Variants in NCL observed in about 807,000 individuals in gnomAD.
NCL encodes the protein nucleolin multifunctional protein.
NCL carries 4 observed loss-of-function variants against 77.7 expected under a neutral mutation model. The ratio of observed to expected loss-of-function variants is 0.05; its 90% CI spans 0.03 to 0.12. The LOEUF (loss-of-function observed/expected upper bound fraction) is 0.12. NCL is among the 10% of genes least tolerant of loss of function. The pLI, the probability that NCL is intolerant of heterozygous loss-of-function variation, is 1.00. For missense variants in NCL, 763 were observed against 860.9 expected, an observed-to-expected ratio of 0.89 and a Z score of 1.42; for synonymous variants, 344 against 297.8, an observed-to-expected ratio of 1.16 and a Z score of -1.60.
chr2:231,462,688 A>C (rs2046963819), intron 2 of NCL: 1 of 413,640 alleles, frequency 2.4e-6, no homozygotes, highest in South Asian at 1.7e-5. Flanking sequence ...TATAGTGAGC[A>C]AATAAAAGGC....
chr2:231,459,086 C>T lies in NCL; in HGVS notation c.1080G>A (p.Leu360=). The stretch of plus-strand genomic sequence containing the variant: ...AACCAGTGAGTTCCAACGCTTTCTC[C>T]AGGTCTTCAGCAGATTCAAAATCCA... ...GYVDFESAED[L]EKALELTGLK... The change falls in exon 7 of 14, where the codon CTG becomes CTA. Residue 360 remains leucine, a synonymous_variant. Coordinates refer to ENST00000322723, the MANE Select transcript of NCL (RefSeq NM_005381.3). 1.2e-6 allele frequency: 2 copies of T among 1,601,074 alleles called. No homozygotes were observed. The highest frequency in any genetic ancestry group is 2.3e-5 in the South Asian group (2 of 87,900).
Position 231,456,145 on chromosome 2 carries a change from GAAAA to G in NCL, c.1706-13_1706-10del. Reference sequence around the variant, plus strand: ...CAGAGTTTTGGATGGCTCTGGGAAGGAAAAAAAAATGTGACTTTATGTGAAGTCA... The same window carrying G: ...CAGAGTTTTGGATGGCTCTGGGAAGGAAAAATGTGACTTTATGTGAAGTCA... On this transcript the variant is annotated splice_polypyrimidine_tract_variant and intron_variant, in intron 11 of 13. Coordinates refer to ENST00000322723, the MANE Select transcript of NCL (RefSeq NM_005381.3). 6.3e-7 allele frequency: 1 copy of G among 1,585,260 alleles called. No individual in the cohort carries two copies.
Position 231,461,667 on chromosome 2 carries a change from G to A in NCL, c.486C>T (p.Asp162=), listed in dbSNP as rs150307153. The change falls in exon 3 of 14, where the codon GAC becomes GAT. Residue 162 remains aspartate (D), a synonymous_variant. Transcript: ENST00000322723. The part of the protein sequence containing the change: ...DSEEDEEDDE[D]EDEDEDEIEP... Reference sequence around the variant, plus strand: ...CAATTTCATCTTCATCCTCATCCTCGTCCTCGTCATCCTCCTCATCCTCCT... The same window carrying A: ...CAATTTCATCTTCATCCTCATCCTCATCCTCGTCATCCTCCTCATCCTCCT... 299 of 1,610,188 alleles carry A rather than the reference G, an allele frequency of 1.9e-4. No homozygotes were observed. Among genetic ancestry groups the A allele is most frequent in the East Asian group, 5.4e-4 (24 of 44,834 alleles).
Position 231,461,706 on chromosome 2 carries a change from C to A in NCL, c.447G>T (p.Glu149Asp), listed in dbSNP as rs1131171. The change falls in exon 3 of 14, where the codon GAG becomes GAT. Residue 149 changes from glutamate to aspartate, a missense_variant. Transcript: ENST00000322723. ...CCTCATCCTCCTCACTGTCATCATC[C>A]TCCTCTTCATCACTGTCTTCCTTCT... The part of the protein sequence containing the change: ...NAKKEDSDEE[E>D]DDDSEEDEED... 1.2e-6 allele frequency: 2 copies of A among 1,613,788 alleles called. No homozygotes were observed. The highest frequency in any genetic ancestry group is 1.7e-6 in the Non-Finnish European group (2 of 1,179,910).
At chr2:231,458,950 T>C in intron 7 of NCL, 51 bp downstream of exon 7, 1 of 1,468,146 alleles carries the variant, frequency 6.8e-7, no homozygotes, top group African/African-American at 1.4e-5. Flanking sequence ...GCATTTTCCC[T>C]AGCAGTCTAG....
At chr2:231,462,611 G>A in intron 2 of NCL, 1 of 503,120 alleles carries the variant, frequency 2.0e-6, no homozygotes, top group South Asian at 1.4e-5. Flanking sequence ...GGCAATGTGT[G>A]GAAGAGTAAA....
chr2:231,460,415 T>A (rs777645386), intron 5 of NCL, 63 bp downstream of exon 5: 1 of 1,588,968 alleles, frequency 6.3e-7, no homozygotes, highest in Non-Finnish European at 8.6e-7. Flanking sequence ...CAGTATTAAG[T>A]CCCTTTGTTA....
chr2:231,455,458 C>T lies in NCL; in HGVS notation c.1999G>A (p.Gly667Ser), dbSNP rs747337310. 61 of 1,614,178 alleles carry T rather than the reference C, an allele frequency of 3.8e-5. No homozygotes were observed. In the Middle Eastern group the frequency reaches 4.9e-4, roughly 13 times the overall value. Residue 667 changes from glycine to serine, a missense_variant, in exon 13 of 14, where the codon GGT becomes AGT. Physicochemically the swap from Gly to Ser is moderately conservative, Grantham distance 56. Transcript: ENST00000322723. ...GGGRGGFGGRGGGRGGRGGFG... is the reference protein window; with the variant it reads ...GGGRGGFGGRSGGRGGRGGFG... The stretch of plus-strand genomic sequence containing the variant: ...CCTCCTCGGCCTCCTCTACCACCAC[C>T]TCGTCCTCCAAAGCCGCCTCTGCCT...
Position 231,461,521 on chromosome 2 carries a change from T to C in NCL, c.613+19A>G, listed in dbSNP as rs1262164682. ...ACCTTGTAATCAGAAGCCCAGTAAC[T>C]ACCAAGACAACTCCTTACCATCTTC... On this transcript the variant is annotated intron_variant, in intron 3 of 13. Transcript: ENST00000322723. The C allele has an allele frequency of 1.2e-6, 2 of 1,609,254 alleles. No individual in the cohort carries two copies. The highest frequency in any genetic ancestry group is 1.3e-5 in the African/African-American group (1 of 74,862).
chr2:231,460,379 G>C (rs1177276650), intron 5 of NCL, 86 bp from the exon 6 acceptor site: 2 of 1,592,312 alleles, frequency 1.3e-6, no homozygotes, highest in African/African-American at 1.3e-5. Flanking sequence ...CAGCACATCA[G>C]CACACTACAA....
At chr2:231,459,616 T>C (rs2046926528) in intron 6 of NCL, among the ~76,000 whole-genome samples, 1 of 150,972 alleles carries the variant, frequency 6.6e-6, no homozygotes, top group Non-Finnish European at 1.5e-5. Context: ...AACACCAAAT[T>C]ATTAAAACTT....
Position 231,455,179 on chromosome 2 carries a change from G to C in NCL, c.*12C>G, listed in dbSNP as rs1374276021. ...TCTTTCAAATGGAAAAGGGAAAGCA[G>C]AGGGACAGAAGCTATTCAAACTTCG... On this transcript the variant is annotated 3_prime_UTR_variant, in exon 14 of 14. Coordinates refer to ENST00000322723, the MANE Select transcript of NCL (RefSeq NM_005381.3). The C allele has an allele frequency of 6.2e-7, 1 of 1,614,104 alleles. No individual in the cohort carries two copies. Among genetic ancestry groups the C allele is most frequent in the Non-Finnish European group, 8.5e-7 (1 of 1,179,974 alleles).
chr2:231,460,837 G>C lies in NCL; in HGVS notation c.643C>G (p.Pro215Ala). 1 of 1,614,044 alleles carries C rather than the reference G, an allele frequency of 6.2e-7. No homozygotes were observed. Among genetic ancestry groups the C allele is most frequent in the Non-Finnish European group, 8.5e-7 (1 of 1,180,022 alleles). ...TTTGCAGCTTTCTTTCCTTTGGCTGGTGTAGTCTCCATAGCTTCTTCTTCA... is the reference window on the plus strand; with the variant it reads ...TTTGCAGCTTTCTTTCCTTTGGCTGCTGTAGTCTCCATAGCTTCTTCTTCA... ...DSEEEAMETTPAKGKKAAKVV... is the reference protein window; with the variant it reads ...DSEEEAMETTAAKGKKAAKVV... Residue 215 changes from proline (P) to alanine (A), a missense_variant, in exon 4 of 14, where the codon CCA becomes GCA. By Grantham distance (27) the Pro-to-Ala change is conservative. Around this residue, in one of 2 missense-constraint regions of NCL, gnomAD observed 590 missense variants for 570.5 expected, o/e 1.03. Transcript: ENST00000322723.
intron 1 of NCL, chr2:231,463,611 A>C (rs35205536): frequency 0.045 from 17,033 of 380,064 alleles, 491 homozygotes; most frequent in Non-Finnish European, 0.062. Flanking sequence ...CCGTGTTTTA[A>C]TACTACAAAT....
chr2:231,464,307 C>A (rs564932889), intron 1 of NCL, 29 bp downstream of exon 1: 1 of 1,580,130 alleles, frequency 6.3e-7, no homozygotes, highest in African/African-American at 1.4e-5. Flanking sequence ...CAGGCCTACA[C>A]GTCTGCGCTC....
chr2:231,461,890 T>G lies in NCL; in HGVS notation c.263A>C (p.Lys88Thr). The G allele has an allele frequency of 1.9e-6, 3 of 1,614,216 alleles. No homozygotes were observed. The highest frequency in any genetic ancestry group is 2.5e-6 in the Non-Finnish European group (3 of 1,180,034). ...CTTCTTGGCAGGTGTTGCTGCTGCC[T>G]TTTTGCCTGGAGTGACAGCTGCTTT... ...AKKAAVTPGKKAAATPAKKTV... is the reference protein window; with the variant it reads ...AKKAAVTPGKTAAATPAKKTV... The change falls in exon 3 of 14, where the codon AAG becomes ACG. Residue 88 changes from lysine (K) to threonine (T), a missense_variant. Transcript: ENST00000322723.
chr2:231,455,630 A>G lies in NCL; in HGVS notation c.1833-6T>C. ...TGAAGTCTACAAAACCAAACCTAGAACACCAAATGAAATTGCCCATTATAA... is the reference window on the plus strand; with the variant it reads ...TGAAGTCTACAAAACCAAACCTAGAGCACCAAATGAAATTGCCCATTATAA... On this transcript the variant is annotated splice_region_variant and splice_polypyrimidine_tract_variant and intron_variant, in intron 12 of 13. Coordinates refer to ENST00000322723, the MANE Select transcript of NCL (RefSeq NM_005381.3). 1.2e-6 allele frequency: 2 copies of G among 1,613,804 alleles called. No homozygotes were observed. Among genetic ancestry groups the G allele is most frequent in the African/African-American group, 1.3e-5 (1 of 75,044 alleles).
chr2:231,458,175 G>A lies in NCL; in HGVS notation c.1289+91C>T, dbSNP rs186601901. The A allele has an allele frequency of 1.7e-4, 262 of 1,513,402 alleles. No individual in the cohort carries two copies. The African/African-American group carries it at 2.6e-3, about 15-fold the overall frequency. The allele number at this position is 1,513,402 out of a possible 1,614,324, so 93.7% of individuals were successfully genotyped here. A position where few individuals can be genotyped will look rare whatever the true frequency, so the allele number is the denominator to read the frequency against. On this transcript the variant is annotated intron_variant, in intron 8 of 13. Coordinates refer to ENST00000322723, the MANE Select transcript of NCL (RefSeq NM_005381.3). ...CAGGTTAAACTGTCCAAGATTACAC[G>A]CCTAAGGAAATCAAACCAATATTTC...
chr2:231,459,189 G>C (rs908500278), intron 6 of NCL, 64 bp from the exon 7 acceptor site: 2 of 1,462,060 alleles, frequency 1.4e-6, no homozygotes, highest in Non-Finnish European at 9.1e-7. Context: ...TCCACAATAT[G>C]TATTCTAGAC....
Sources: allele counts gnomAD v4.1 joint callset (sites outside exome capture counted in the v4.1 genomes callset), GRCh38; gene constraint gnomAD v4.1.1; regional missense constraint gnomAD v4.1.1; transcripts MANE v1.5; gene names NCBI Gene and HGNC (gene_info 2026-07-23, HGNC 2026-07-21).